NPHP3: variants seen among roughly 807,000 people sequenced by gnomAD.
The protein encoded by NPHP3 is nephrocystin 3, also known as nephrocystin-3.
Under a neutral mutation model 171.9 loss-of-function variants are expected in NPHP3, and 123 were observed. The ratio of observed to expected loss-of-function variants is 0.72; its 90% CI spans 0.62 to 0.83. The LOEUF (loss-of-function observed/expected upper bound fraction) is 0.83, where lower values mean the gene tolerates loss of function less well. Among genes scored for constraint, NPHP3 ranks in the 40% least tolerant of loss-of-function variants. The pLI, the probability that NPHP3 is intolerant of heterozygous loss-of-function variation, is 0.00. For synonymous variants in NPHP3, 558 were observed against 579.2 expected (o/e 0.96, Z 0.52); for missense variants, 1,506 against 1,591.9 (o/e 0.95, Z 0.92).
chr3:132,697,783 T>A (rs1939494214), intron 13 of NPHP3, among the ~76,000 whole-genome samples: 1 of 152,184 alleles, frequency 6.6e-6, no homozygotes, highest in South Asian at 2.1e-4. Flanking sequence ...AAATTGCATT[T>A]GTGGGGGAGT....
rs150563072 is a variant in NPHP3 at position 132,704,668 on chromosome 3, G to T, written c.1351-297C>A. ...CTGAAAAATGTTACACAACATTTTG[G>T]TTGTATCTGGCTGGTGAATAGTTAT... On this transcript the variant is annotated intron_variant, in intron 8 of 26. Transcript: ENST00000337331. 1.2e-3 allele frequency among the ~76,000 whole-genome samples: 179 copies of T among 152,244 alleles called. 1 individual carries two copies. The highest frequency in any genetic ancestry group is 2.2e-3 in the Non-Finnish European group (152 of 68,014).
chr3:132,702,935 G>A (rs1419566161), intron 9 of NPHP3, among the ~76,000 whole-genome samples: 1 of 152,124 alleles, frequency 6.6e-6, no homozygotes, highest in Non-Finnish European at 1.5e-5. Flanking sequence ...AAAACCATAG[G>A]ATCTGGAGCC....
At chr3:132,700,844 AC>A (rs1409609956) in intron 10 of NPHP3, among the ~76,000 whole-genome samples, 3 of 152,146 alleles carry the variant, frequency 2.0e-5, no homozygotes, top group African/African-American at 7.2e-5. Context: ...ACATATGCTA[AC>A]CCTTCAATAT....
intron 3 of NPHP3, chr3:132,717,820 C>T (rs973276256): frequency 2.6e-5 from 4 of 154,282 alleles, no homozygotes; most frequent in South Asian, 2.8e-4. Flanking sequence ...TGCGGTGGCG[C>T]GATCTTGGCT....
At chr3:132,705,912 TA>T (rs1389426533) in intron 7 of NPHP3, 98 bp from the exon 8 acceptor site, 3 of 689,892 alleles carry the variant, frequency 4.3e-6, no homozygotes, top group Non-Finnish European at 5.3e-6. Context: ...GGAACTATTC[TA>T]AATATTTAAC....
At chr3:132,716,661 A>C (rs1332859257) in intron 4 of NPHP3, 96 bp downstream of exon 4, 1 of 1,357,440 alleles carries the variant, frequency 7.4e-7, no homozygotes, top group Admixed American at 1.7e-5. Context: ...CACAAATTTC[A>C]TGCTTTGCTA....
At position 132,694,812 on chromosome 3, in the gene NPHP3, T is replaced by A. The variant is rs1434094112; in HGVS notation, c.2310+15A>T. ...GCAAACTAACATTCCTTTTTATAAG[T>A]TTATTACATTCTACCTGCTTCATTA... On this transcript the variant is annotated intron_variant, in intron 16 of 26. Transcript: ENST00000337331. 2 of 1,611,996 alleles carry A rather than the reference T, an allele frequency of 1.2e-6. No homozygotes were observed. The highest frequency in any genetic ancestry group is 2.2e-5 in the South Asian group (2 of 91,068).
At position 132,694,977 on chromosome 3, in the gene NPHP3, G is replaced by A. The variant is rs886038736; in HGVS notation, c.2172-12C>T. ...CTGCTCTCCCAGCACTGTTGGAATC[G>A]AGAAGAGATTTAATTTCTTACAGAT... On this transcript the variant is annotated splice_polypyrimidine_tract_variant and intron_variant, in intron 15 of 26. Transcript: ENST00000337331. 1.7e-5 allele frequency: 28 copies of A among 1,613,102 alleles called. No homozygotes were observed. The highest frequency in any genetic ancestry group is 1.5e-4 in the African/African-American group (11 of 74,884).
intron 13 of NPHP3, among the ~76,000 whole-genome samples, chr3:132,698,017 T>C (rs964824716): frequency 6.6e-6 from 1 of 151,944 alleles, no homozygotes; most frequent in Non-Finnish European, 1.5e-5. Flanking sequence ...AGTCTCGTAC[T>C]GTTGCCTAGG....
At chr3:132,697,397 TA>T in intron 13 of NPHP3, 35 bp from the exon 14 acceptor site, 1 of 1,359,050 alleles carries the variant, frequency 7.4e-7, no homozygotes. Flanking sequence ...GAAATTTTAA[TA>T]ATACAACAAG....
chr3:132,720,278 C>T (rs1036477443), intron 1 of NPHP3, among the ~76,000 whole-genome samples: 6 of 152,228 alleles, frequency 3.9e-5, no homozygotes, highest in Non-Finnish European at 8.8e-5. Context: ...CAGTAAATGT[C>T]TGACACAATG....
chr3:132,715,825 T>C (rs1050832309), intron 4 of NPHP3, among the ~76,000 whole-genome samples: 2 of 152,220 alleles, frequency 1.3e-5, no homozygotes, highest in South Asian at 4.1e-4. Context: ...CACTATGTTA[T>C]ATAAAAATAA....
intron 22 of NPHP3, among the ~76,000 whole-genome samples, 178 bp from the exon 23 acceptor site, chr3:132,686,565 C>T (rs1205303742): frequency 6.6e-6 from 1 of 152,104 alleles, no homozygotes; most frequent in Non-Finnish European, 1.5e-5. Flanking sequence ...TTCCACATGG[C>T]AACACATTCT....
intron 5 of NPHP3, among the ~76,000 whole-genome samples, chr3:132,714,475 G>T (rs1939993751): frequency 6.6e-6 from 1 of 151,140 alleles, no homozygotes; most frequent in South Asian, 2.1e-4. Context: ...CAATCAACAA[G>T]AGTCTTAAAC....
rs370935687 is a variant in NPHP3, at chr3:132,683,326, T to C, written c.3696+73A>G. 2.3e-6 allele frequency: 3 copies of C among 1,302,556 alleles called. No homozygotes were observed. The East Asian group carries it at 7.0e-5, about 30-fold the overall frequency. The allele number at this position is 1,302,556 out of a possible 1,614,324, so 80.7% of individuals were successfully genotyped here. ...CTTTCATTCTATTTAGTGTTCCCTA[T>C]CTAATTCATGTTTACCTATGTTTTA... On this transcript the variant is annotated intron_variant, in intron 25 of 26. Coordinates refer to ENST00000337331, the MANE Select transcript of NPHP3 (RefSeq NM_153240.5).
At chr3:132,690,151 A>G (rs1420723952) in intron 19 of NPHP3, among the ~76,000 whole-genome samples, 2 of 152,184 alleles carry the variant, frequency 1.3e-5, no homozygotes, top group East Asian at 3.8e-4. Context: ...TAAATTCAAC[A>G]CCAGACAGAT....
At chr3:132,714,334 C>T (rs1244925622) in intron 5 of NPHP3, among the ~76,000 whole-genome samples, 2 of 152,116 alleles carry the variant, frequency 1.3e-5, no homozygotes, top group African/African-American at 4.8e-5. Flanking sequence ...CACCAACTGG[C>T]TATAGTGACC....
At chr3:132,715,346 C>T in intron 4 of NPHP3, 128 bp from the exon 5 acceptor site, 2 of 742,610 alleles carry the variant, frequency 2.7e-6, no homozygotes, top group Non-Finnish European at 4.7e-6. Flanking sequence ...ACTGCCATAC[C>T]TTCTAGAGTA....
chr3:132,706,021 T>G (rs1287169940), intron 7 of NPHP3, among the ~76,000 whole-genome samples: 1 of 152,148 alleles, frequency 6.6e-6, no homozygotes, highest in Non-Finnish European at 1.5e-5. Flanking sequence ...GTAAGTAACT[T>G]GTCCAAGGTC....
Sources: allele counts gnomAD v4.1 joint callset (sites outside exome capture counted in the v4.1 genomes callset), GRCh38; gene constraint gnomAD v4.1.1; transcripts MANE v1.5; gene names NCBI Gene and HGNC (gene_info 2026-07-23, HGNC 2026-07-21).